The following MBTPS1 variants were observed in gnomAD, a reference collection of about 807,000 sequenced individuals.
MBTPS1 encodes the protein membrane-bound transcription factor site-1 protease.
MBTPS1 carries 94 observed loss-of-function variants against 127.8 expected under a neutral mutation model. The ratio of observed to expected loss-of-function variants is 0.74; its 90% confidence interval spans 0.62 to 0.87. The LOEUF is 0.87. MBTPS1 is among the 40% of genes least tolerant of loss of function. The pLI, the probability that MBTPS1 is intolerant of heterozygous loss-of-function variation, is 0.00. For missense variants in MBTPS1, 1,636 were observed against 1,353.2 expected, an observed-to-expected ratio of 1.21 and a Z score of -3.28; for synonymous variants, 632 against 509.4, an observed-to-expected ratio of 1.24 and a Z score of -3.24.
chr16:84,056,318 C>T (rs2085521277), intron 21 of MBTPS1, 183 bp from the exon 22 acceptor site: 2 of 541,750 alleles, frequency 3.7e-6, no homozygotes, highest in Admixed American at 6.4e-5. Flanking sequence ...TTTCCACGTC[C>T]CGAGGGAGAA....
Position 84,070,711 on chromosome 16 carries a change from CGAG to C in MBTPS1, c.1656_1658del (p.Ser553del), listed in dbSNP as rs1232781972. The C allele has an allele frequency of 1.9e-6, 3 of 1,613,936 alleles. No homozygotes were observed. Among genetic ancestry groups the C allele is most frequent in the Non-Finnish European group, 2.5e-6 (3 of 1,180,002 alleles). Reference sequence around the variant, plus strand: ...GGTAGCCCGACCAAGGCCATAAGACCGAGGAGTAGGAGAAGGCAACTTCAATGT... The same window carrying C: ...GGTAGCCCGACCAAGGCCATAAGACCGAGTAGGAGAAGGCAACTTCAATGT... On this transcript the variant is annotated inframe_deletion, in exon 13 of 23. Coordinates refer to ENST00000343411, the MANE Select transcript of MBTPS1 (RefSeq NM_003791.4).
Position 84,101,917 on chromosome 16 carries a change from TA to T in MBTPS1, c.-135del. 1.3e-6 allele frequency: 1 copy of T among 785,856 alleles called. No homozygotes were observed. Among genetic ancestry groups the T allele is most frequent in the Non-Finnish European group, 2.1e-6 (1 of 486,238 alleles). The allele number at this position is 785,856 out of a possible 1,614,324, so 48.7% of individuals were successfully genotyped here. A position where few individuals can be genotyped will look rare whatever the true frequency, so the allele number is the denominator to read the frequency against. On this transcript the variant is annotated 5_prime_UTR_variant, in exon 2 of 23. An upstream open reading frame in the 5' UTR loses its in-frame stop. Coordinates refer to ENST00000343411, the MANE Select transcript of MBTPS1 (RefSeq NM_003791.4). The stretch of plus-strand genomic sequence containing the variant: ...AGCCATCTTACAGTCTTGCCCAACA[TA>T]AATAAAAGTTAAATCCCATGGCCTT...
chr16:84,097,031 C>A (rs1481560317), intron 3 of MBTPS1, among the ~76,000 whole-genome samples: 1 of 152,184 alleles, frequency 6.6e-6, no homozygotes, highest in African/African-American at 2.4e-5. Flanking sequence ...GTAACTATGG[C>A]AAGAACTGAG....
At chr16:84,080,107 T>A (rs560547283) in intron 11 of MBTPS1, among the ~76,000 whole-genome samples, 14 of 152,086 alleles carry the variant, frequency 9.2e-5, no homozygotes, top group Admixed American at 9.2e-4. Context: ...ATAAGCCAAC[T>A]AGATGGAGCT....
chr16:84,056,417 C>T lies in MBTPS1; in HGVS notation c.2832-282G>A, dbSNP rs574129867. On this transcript the variant is annotated intron_variant, in intron 21 of 22. Transcript: ENST00000343411. ...TGTTTTTGCATAAAGCTAAACATGA[C>T]CAAGCGCCTCGGGAGGACACTCCAA... The T allele has an allele frequency of 6.2e-5, 18 of 288,624 alleles. No homozygotes were observed. The Admixed American group carries it at 6.7e-4, about 11-fold the overall frequency. 17.9% of individuals were successfully genotyped at this position (288,624 alleles called of 1,614,324 possible).
rs2085709032 is a variant in MBTPS1 at position 84,067,799 on chromosome 16, T to G, written c.2096A>C (p.Glu699Ala). The change falls in exon 16 of 23, where the codon GAG becomes GCG. Residue 699 changes from glutamate (E) to alanine (A), a missense_variant. By Grantham distance (107) the Glu-to-Ala change is moderately radical (BLOSUM62 -1). Transcript: ENST00000343411. ...QYGTLLMVDSEEEYFPEEIAK... is the reference protein window; with the variant it reads ...QYGTLLMVDSAEEYFPEEIAK... ...GATCTCTTCAGGGAAGTACTCCTCC[T>G]CACTGTCCACCATCAGCAAAGTGCC... The G allele has an allele frequency of 1.2e-6, 2 of 1,612,286 alleles. No homozygotes were observed. The highest frequency in any genetic ancestry group is 1.3e-5 in the African/African-American group (1 of 74,896).
Position 84,059,389 on chromosome 16 carries a change from T to C in MBTPS1, c.2744A>G (p.His915Arg), listed in dbSNP as rs765277144. Residue 915 changes from histidine to arginine, a missense_variant, in exon 21 of 23, where the codon CAT becomes CGT. Physicochemically the swap from His to Arg is conservative, Grantham distance 29 (BLOSUM62 0). Transcript: ENST00000343411. The part of the protein sequence containing the change: ...LHRYSKVLEA[H>R]LGDPKPRPLP... ...AGGCCGAGGTTTTGGGTCTCCCAAATGGGCCTCCAGAACCTTGGAGTACCG... is the reference window on the plus strand; with the variant it reads ...AGGCCGAGGTTTTGGGTCTCCCAAACGGGCCTCCAGAACCTTGGAGTACCG... The C allele has an allele frequency of 1.2e-5, 20 of 1,614,136 alleles. No individual in the cohort carries two copies. Among genetic ancestry groups the C allele is most frequent in the Non-Finnish European group, 1.7e-5 (20 of 1,179,962 alleles).
In MBTPS1 at chr16:84,070,048, A is replaced by C. The variant is rs2085748102; in HGVS notation, c.1783-10T>G. 2 of 1,555,104 alleles carry C rather than the reference A, an allele frequency of 1.3e-6. No individual in the cohort carries two copies. The highest frequency in any genetic ancestry group is 4.5e-5 in the East Asian group (2 of 43,964). On this transcript the variant is annotated splice_polypyrimidine_tract_variant and intron_variant, in intron 13 of 22. Transcript: ENST00000343411. The stretch of plus-strand genomic sequence containing the variant: ...CTGCACCATTTTTTGACTAAAAAAA[A>C]AGAAAAGAAACTTGAAACGCCCTCA...
chr16:84,059,607 G>C (rs775514905), intron 20 of MBTPS1, 179 bp from the exon 21 acceptor site: 1 of 519,872 alleles, frequency 1.9e-6, no homozygotes, highest in Non-Finnish European at 3.4e-6. Flanking sequence ...GTTCCTCCCG[G>C]ACAATGTGTG....
At chr16:84,088,829 C>A (rs3785019) in intron 8 of MBTPS1, among the ~76,000 whole-genome samples, 1 of 152,140 alleles carries the variant, frequency 6.6e-6, no homozygotes, top group Non-Finnish European at 1.5e-5. Flanking sequence ...AAACCACACC[C>A]ACCACAAGCT....
At chr16:84,066,360 G>T in intron 17 of MBTPS1, 129 bp downstream of exon 17, 1 of 933,712 alleles carries the variant, frequency 1.1e-6, no homozygotes, top group Admixed American at 3.2e-5. Context: ...GAAAATACTG[G>T]TGAGTTCTTT....
chr16:84,110,193 C>T (rs1466695306), intron 1 of MBTPS1, among the ~76,000 whole-genome samples: 6 of 152,208 alleles, frequency 3.9e-5, no homozygotes, highest in Admixed American at 3.3e-4. Flanking sequence ...GACAGATTTA[C>T]ACTCATCAAT....
chr16:84,096,117 AC>A (rs2086176498), intron 3 of MBTPS1, among the ~76,000 whole-genome samples: 2 of 152,234 alleles, frequency 1.3e-5, no homozygotes, highest in African/African-American at 4.8e-5. Context: ...ATAAAGAAAA[AC>A]CTGATTTTCA....
At chr16:84,093,962 AGGTCAGCTGCTCCCAG>A in intron 4 of MBTPS1, 141 bp from the exon 5 acceptor site, 2 of 661,904 alleles carry the variant, frequency 3.0e-6, no homozygotes, top group South Asian at 3.6e-5. Context: ...CAAATAAGTT[AGGTCAGCTGCTCCCAG>A]GGTCAGCTGG....
intron 18 of MBTPS1, among the ~76,000 whole-genome samples, chr16:84,064,096 C>A (rs1298622938): frequency 6.6e-6 from 1 of 152,072 alleles, no homozygotes; most frequent in Non-Finnish European, 1.5e-5. Context: ...ATGCCACAGG[C>A]AGCATCATCA....
rs1323665992 is a variant in MBTPS1 at position 84,059,428 on chromosome 16, C to G, written c.2705G>C (p.Gly902Ala). The part of the protein sequence containing the change: ...AGSVTPERME[G>A]NHLHRYSKVL... The stretch of plus-strand genomic sequence containing the variant: ...CTTGGAGTACCGATGAAGATGGTTT[C>G]CTGTGGTTAGCAGCAACATCAACAA... Residue 902 changes from glycine to alanine, a missense_variant and splice_region_variant, in exon 21 of 23, where the codon GGA becomes GCA. Gly to Ala is a moderately conservative substitution (Grantham distance 60, BLOSUM62 0). Coordinates refer to ENST00000343411, the MANE Select transcript of MBTPS1 (RefSeq NM_003791.4). 1 of 1,608,404 alleles carries G rather than the reference C, an allele frequency of 6.2e-7. No individual in the cohort carries two copies. Among genetic ancestry groups the G allele is most frequent in the Admixed American group, 1.7e-5 (1 of 58,872 alleles).
intron 2 of MBTPS1, 86 bp from the exon 3 acceptor site, chr16:84,099,396 A>G (rs1372871128): frequency 5.7e-6 from 8 of 1,395,312 alleles, no homozygotes; most frequent in Non-Finnish European, 7.7e-6. Flanking sequence ...AAAATCTGGC[A>G]AAAGAAAAAT....
At position 84,082,117 on chromosome 16, in the gene MBTPS1, G is replaced by A. The variant is rs547188653; in HGVS notation, c.1287-209C>T. On this transcript the variant is annotated intron_variant, in intron 10 of 22. Coordinates refer to ENST00000343411, the MANE Select transcript of MBTPS1 (RefSeq NM_003791.4). Reference sequence around the variant, plus strand: ...GACTGACCACTCCGCAACCTTCTACGGGACCCACTTATGCTAAATGCATCA... The same window carrying A: ...GACTGACCACTCCGCAACCTTCTACAGGACCCACTTATGCTAAATGCATCA... The A allele has an allele frequency of 9.7e-5, 37 of 381,252 alleles. No individual in the cohort carries two copies. In the South Asian group the frequency reaches 4.2e-3, roughly 44 times the overall value. The allele number at this position is 381,252 out of a possible 1,614,324, so 23.6% of individuals were successfully genotyped here.
chr16:84,094,509 A>C (rs2086152971), intron 4 of MBTPS1, among the ~76,000 whole-genome samples: 1 of 152,178 alleles, frequency 6.6e-6, no homozygotes, highest in Non-Finnish European at 1.5e-5. Flanking sequence ...AAATTCTAGA[A>C]AGCATCTAGA....
Sources: gnomAD v4.1 joint callset for allele counts (sites outside exome capture counted in the v4.1 genomes callset) on GRCh38, gnomAD v4.1.1 for gene constraint, MANE v1.5 for transcripts, NCBI Gene and HGNC (gene_info 2026-07-23, HGNC 2026-07-21) for gene names.